Variants in SMAD2 observed in about 807,000 individuals in gnomAD.
SMAD2 encodes MAD homolog 2.
In SMAD2, 8 loss-of-function variants were observed where a neutral mutation model predicts 64.4. The observed-to-expected ratio is 0.12, with a 90% confidence interval of 0.07 to 0.22. The LOEUF (loss-of-function observed/expected upper bound fraction) is 0.22, where lower values mean the gene tolerates loss of function less well. Ranked by LOEUF, SMAD2 falls within the 10% of genes least tolerant of loss-of-function variation. The probability of loss-of-function intolerance (pLI) is 1.00; values close to 1 mark genes in which losing one functional copy is unlikely to be tolerated. For missense variants in SMAD2, 289 were observed against 561.2 expected (o/e 0.51, Z 4.90); for synonymous variants, 203 against 195.8 (o/e 1.04, Z -0.31).
intron 2 of SMAD2, among the ~76,000 whole-genome samples, chr18:47,889,918 T>C (rs2033109640): frequency 6.6e-6 from 1 of 152,230 alleles, no homozygotes. Flanking sequence ...ATATTGTTCA[T>C]TGCATCAGGT....
At chr18:47,872,839 G>T (rs2032025799) in intron 2 of SMAD2, among the ~76,000 whole-genome samples, 1 of 149,748 alleles carries the variant, frequency 6.7e-6, no homozygotes, top group Admixed American at 6.6e-5. Flanking sequence ...TCTGTCTCCT[G>T]GTGCCAAAAC....
chr18:47,883,043 A>G (rs1233144537), intron 2 of SMAD2, among the ~76,000 whole-genome samples: 2 of 151,350 alleles, frequency 1.3e-5, no homozygotes, highest in African/African-American at 4.9e-5. Context: ...TCTCCAAAGA[A>G]CTCGCTTTTG....
chr18:47,895,756 T>G (rs2033410484), intron 2 of SMAD2: 1 of 152,278 alleles, frequency 6.6e-6, no homozygotes, highest in African/African-American at 2.4e-5. Context: ...AAAAGTGTAC[T>G]TCTCAAAGTT....
rs539689338 is a variant in SMAD2, at chr18:47,836,792, A to T, written c.*5035T>A. The T allele has an allele frequency of 1.4e-5, 3 of 219,120 alleles. No individual in the cohort carries two copies. In the East Asian group the frequency reaches 2.0e-4, roughly 15 times the overall value. 13.6% of individuals were successfully genotyped at this position (219,120 alleles called of 1,614,324 possible). On this transcript the variant is annotated 3_prime_UTR_variant, in exon 11 of 11. Coordinates refer to ENST00000262160, the MANE Select transcript of SMAD2 (RefSeq NM_005901.6). Reference sequence around the variant, plus strand: ...ATCATGAGGCTATCTAGTATAGCTCATATTTCCTGGTTGTAAGGCTCAAAA... The same window carrying T: ...ATCATGAGGCTATCTAGTATAGCTCTTATTTCCTGGTTGTAAGGCTCAAAA...
intron 6 of SMAD2, among the ~76,000 whole-genome samples, chr18:47,858,886 T>C (rs1263762647): frequency 2.0e-5 from 3 of 151,942 alleles, no homozygotes; most frequent in Non-Finnish European, 4.4e-5. Flanking sequence ...AGACAAACAA[T>C]TGCAAAATGG....
intron 2 of SMAD2, 152 bp from the exon 3 acceptor site, chr18:47,870,716 G>C (rs1007094903): frequency 1.4e-6 from 1 of 690,100 alleles, no homozygotes; most frequent in Non-Finnish European, 2.6e-6. Context: ...TGTAGTGCTG[G>C]TTACTATATT....
intron 6 of SMAD2, among the ~76,000 whole-genome samples, chr18:47,859,067 C>T (rs1296133129): frequency 6.6e-6 from 1 of 151,760 alleles, no homozygotes; most frequent in Non-Finnish European, 1.5e-5. Flanking sequence ...TATCATGTAA[C>T]CAGAGGTAAG....
intron 4 of SMAD2, among the ~76,000 whole-genome samples, chr18:47,868,808 A>G (rs796806683): frequency 1.4e-4 from 22 of 152,336 alleles, no homozygotes; most frequent in Admixed American, 1.3e-4. Context: ...AGCTACTGCT[A>G]TATTTTTTAA....
intron 7 of SMAD2, among the ~76,000 whole-genome samples, chr18:47,850,515 A>T (rs1228816079): frequency 1.2e-4 from 3 of 25,532 alleles, no homozygotes; most frequent in Middle Eastern, 0.042. Flanking sequence ...TATATATATA[A>T]TATATATTAT....
chr18:47,911,759 G>T (rs556646303), intron 1 of SMAD2, among the ~76,000 whole-genome samples: 76 of 152,324 alleles, frequency 5.0e-4, no homozygotes, highest in African/African-American at 1.8e-3. Flanking sequence ...CGGTTAAACT[G>T]TCTATAGTGG....
At chr18:47,915,064 T>A (rs1303871208) in intron 1 of SMAD2, among the ~76,000 whole-genome samples, 2 of 152,196 alleles carry the variant, frequency 1.3e-5, no homozygotes, top group African/African-American at 4.8e-5. Context: ...GGACTTTAAT[T>A]ACACAAAAAT....
intron 10 of SMAD2, 39 bp from the exon 11 acceptor site, chr18:47,841,989 A>G (rs1427484393): frequency 6.2e-7 from 1 of 1,612,482 alleles, no homozygotes; most frequent in Middle Eastern, 1.7e-4. Flanking sequence ...ATGAAATTCA[A>G]GTCCACAGGC....
chr18:47,892,162 G>C (rs958818339), intron 2 of SMAD2, among the ~76,000 whole-genome samples: 1 of 151,200 alleles, frequency 6.6e-6, no homozygotes, highest in African/African-American at 2.4e-5. Context: ...TCCTGTAGTT[G>C]AGTCATCCTT....
At chr18:47,911,950 A>C (rs996594276) in intron 1 of SMAD2, among the ~76,000 whole-genome samples, 1 of 152,228 alleles carries the variant, frequency 6.6e-6, no homozygotes, top group Non-Finnish European at 1.5e-5. Context: ...TCTGTGCCAC[A>C]AAGTATGCTC....
intron 6 of SMAD2, among the ~76,000 whole-genome samples, chr18:47,852,899 A>G (rs1321637255): frequency 1.3e-5 from 2 of 152,218 alleles, no homozygotes; most frequent in Non-Finnish European, 2.9e-5. Context: ...CACATTTGCT[A>G]TAAACATTGT....
At position 47,838,850 on chromosome 18, in the gene SMAD2, G is replaced by A. The variant is rs969079748; in HGVS notation, c.*2977C>T. On this transcript the variant is annotated 3_prime_UTR_variant, in exon 11 of 11. Coordinates refer to ENST00000262160, the MANE Select transcript of SMAD2 (RefSeq NM_005901.6). ...TATTACTCATCTTAGAAATGTGATA[G>A]AAAGCATGGCCATTCGGTTCTCAGG... 20 of 232,854 alleles carry A rather than the reference G, an allele frequency of 8.6e-5. No homozygotes were observed. The highest frequency in any genetic ancestry group is 1.6e-4 in the Non-Finnish European group (19 of 117,842). 14.4% of individuals were successfully genotyped at this position (232,854 alleles called of 1,614,324 possible).
rs1397060371 is a variant in SMAD2, at chr18:47,821,584, C to T, written c.*20243G>A. 1.3e-5 allele frequency: 2 copies of T among 152,220 alleles called. No homozygotes were observed. The highest frequency in any genetic ancestry group is 4.8e-5 in the African/African-American group (2 of 41,462). 9.4% of individuals were successfully genotyped at this position (152,220 alleles called of 1,614,324 possible). A position where few individuals can be genotyped will look rare whatever the true frequency, so the allele number is the denominator to read the frequency against. The stretch of plus-strand genomic sequence containing the variant: ...GCGTACACTCATAACCTTGGAAATA[C>T]TCTTCCTGTGTCTGATTAAATTCAA... On this transcript the variant is annotated 3_prime_UTR_variant, in exon 11 of 11. Transcript: ENST00000262160.
intron 2 of SMAD2, among the ~76,000 whole-genome samples, chr18:47,892,376 T>C (rs1321537297): frequency 6.6e-6 from 1 of 152,112 alleles, no homozygotes; most frequent in Admixed American, 6.5e-5. Context: ...GTTTTTGTAT[T>C]TTCAGTAGAG....
At chr18:47,868,222 G>C in intron 5 of SMAD2, 101 bp downstream of exon 5, 1 of 1,015,350 alleles carries the variant, frequency 9.8e-7, no homozygotes, top group Non-Finnish European at 1.5e-6. Context: ...AAACTCAAAA[G>C]CATTTTTAAA....
Sources: allele counts gnomAD v4.1 joint callset (sites outside exome capture counted in the v4.1 genomes callset), GRCh38; gene constraint gnomAD v4.1.1; transcripts MANE v1.5; gene names NCBI Gene and HGNC (gene_info 2026-07-23, HGNC 2026-07-21).